COL14A1: variants seen among roughly 807,000 people sequenced by gnomAD.
COL14A1 encodes collagen alpha-1(XIV) chain.
A neutral mutation model predicts 230.3 loss-of-function variants in COL14A1; 136 were observed. The observed-to-expected ratio is 0.59, with a 90% CI of 0.51 to 0.68. COL14A1 has a LOEUF of 0.68. Among genes scored for constraint, COL14A1 ranks in the 30% least tolerant of loss-of-function variants. COL14A1 has a pLI of 0.00. For missense variants in COL14A1, 1,976 were observed against 2,215.8 expected (o/e 0.89, Z 2.17); for synonymous variants, 792 against 784.1 (o/e 1.01, Z -0.17).
At chr8:120,257,855 GT>G (rs1819207214) in intron 23 of COL14A1, among the ~76,000 whole-genome samples, 1 of 152,164 alleles carries the variant, frequency 6.6e-6, no homozygotes, top group South Asian at 2.1e-4. Context: ...ATTTTTTCCA[GT>G]TTTTTTCCCA....
At chr8:120,214,951 AG>A (rs1817706976) in intron 13 of COL14A1, among the ~76,000 whole-genome samples, 1 of 152,212 alleles carries the variant, frequency 6.6e-6, no homozygotes, top group Non-Finnish European at 1.5e-5. Context: ...AGAGAAGGCA[AG>A]TGCAGTGGCC....
At chr8:120,178,311 G>A (rs1389613674) in intron 5 of COL14A1, among the ~76,000 whole-genome samples, 1 of 152,142 alleles carries the variant, frequency 6.6e-6, no homozygotes, top group Non-Finnish European at 1.5e-5. Context: ...CCACTTATGA[G>A]TGAGAACATG....
chr8:120,322,675 G>C (rs903079516), intron 40 of COL14A1, among the ~76,000 whole-genome samples: 1 of 151,912 alleles, frequency 6.6e-6, no homozygotes, highest in African/African-American at 2.4e-5. Context: ...GCATAAGTTT[G>C]CTATGGATAA....
chr8:120,300,888 A>G lies in COL14A1; in HGVS notation c.4401+70A>G. On this transcript the variant is annotated intron_variant, in intron 36 of 47. Coordinates refer to ENST00000297848, the MANE Select transcript of COL14A1 (RefSeq NM_021110.4). ...AATAGCTATCACTTGTGTGTCTAAT[A>G]TGTGTTGTCTACTGTACTAAATGGC... The G allele has an allele frequency of 4.9e-6, 6 of 1,226,216 alleles. No individual in the cohort carries two copies. In the South Asian group the frequency reaches 7.6e-5, roughly 15 times the overall value. 76.0% of individuals were successfully genotyped at this position (1,226,216 alleles called of 1,614,324 possible).
intron 2 of COL14A1, among the ~76,000 whole-genome samples, chr8:120,149,708 A>G (rs1815213539): frequency 7.1e-6 from 1 of 140,638 alleles, no homozygotes; most frequent in East Asian, 2.1e-4. Context: ...TTTTTTTGAG[A>G]CGGAGTTTTG....
chr8:120,345,296 C>T, intron 44 of COL14A1, 79 bp from the exon 45 acceptor site: 1 of 1,327,624 alleles, frequency 7.5e-7, no homozygotes, highest in Non-Finnish European at 1.0e-6. Context: ...TGTTTGCAGC[C>T]TTAACAAATG....
At chr8:120,231,676 G>A (rs1293921135) in intron 19 of COL14A1, 58 bp downstream of exon 19, 3 of 1,550,712 alleles carry the variant, frequency 1.9e-6, no homozygotes, top group Non-Finnish European at 2.6e-6. Context: ...CAGCTAATAA[G>A]ACTGTCTTCG....
At chr8:120,280,863 A>G in intron 30 of COL14A1, 58 bp from the exon 31 acceptor site, 1 of 1,480,270 alleles carries the variant, frequency 6.8e-7, no homozygotes, top group Non-Finnish European at 9.1e-7. Context: ...AAAATTTAAA[A>G]TTCTAAAGTG....
intron 5 of COL14A1, among the ~76,000 whole-genome samples, chr8:120,178,220 T>C (rs540026088): frequency 6.6e-6 from 1 of 152,254 alleles, no homozygotes; most frequent in East Asian, 1.9e-4. Context: ...ATGCTATCCC[T>C]CCCCTAGCCT....
chr8:120,248,535 T>C (rs758480272), intron 21 of COL14A1, among the ~76,000 whole-genome samples: 16 of 152,024 alleles, frequency 1.1e-4, no homozygotes, highest in Admixed American at 2.6e-4. Flanking sequence ...GGCAGGAAAA[T>C]TTTAAAAACA....
intron 19 of COL14A1, among the ~76,000 whole-genome samples, chr8:120,235,684 C>T (rs1056144081): frequency 9.2e-5 from 14 of 152,008 alleles, no homozygotes; most frequent in Non-Finnish European, 1.2e-4. Context: ...GCTCTTGGTT[C>T]TCTAGTTCTT....
chr8:120,357,989 G>GA, intron 45 of COL14A1, among the ~76,000 whole-genome samples: 1 of 151,988 alleles, frequency 6.6e-6, no homozygotes, highest in Non-Finnish European at 1.5e-5. Flanking sequence ...AAGAACGAGA[G>GA]AAAAAAAGCC....
rs2290523 is a variant in COL14A1 at position 120,342,612 on chromosome 8, G to A, written c.4888+166G>A. ...TCACTGACCCATCAAAGAGATCACT[G>A]CAGATTACCCTAGAGCTCTACATCG... On this transcript the variant is annotated intron_variant, in intron 44 of 47. Coordinates refer to ENST00000297848, the MANE Select transcript of COL14A1 (RefSeq NM_021110.4). Among the ~76,000 whole-genome samples the A allele has an allele frequency of 0.51, 77,468 of 151,982 alleles. 20,570 individuals carry two copies. Among genetic ancestry groups the A allele is most frequent in the African/African-American group, 0.68 (28,160 of 41,450 alleles).
rs150376166 is a variant in COL14A1, at chr8:120,279,646, C to T, written c.3482-289C>T. ...AAAAGTAACTTTTAAGAATATGCAA[C>T]CATAGAGATATTACTCAAATGCAAA... On this transcript the variant is annotated intron_variant, in intron 28 of 47. Coordinates refer to ENST00000297848, the MANE Select transcript of COL14A1 (RefSeq NM_021110.4). Among the ~76,000 whole-genome samples the T allele has an allele frequency of 7.1e-3, 1,074 of 151,938 alleles. 13 individuals are homozygous for T. Among genetic ancestry groups the T allele is most frequent in the African/African-American group, 0.024 (988 of 41,446 alleles).
At position 120,230,274 on chromosome 8, in the gene COL14A1, C is replaced by T. The variant is rs182305139; in HGVS notation, c.2198-1193C>T. 4.5e-3 allele frequency among the ~76,000 whole-genome samples: 689 copies of T among 152,148 alleles called. 12 individuals carry two copies. Among genetic ancestry groups the T allele is most frequent in the Non-Finnish European group, 3.1e-3 (212 of 68,012 alleles). On this transcript the variant is annotated intron_variant, in intron 18 of 47. Coordinates refer to ENST00000297848, the MANE Select transcript of COL14A1 (RefSeq NM_021110.4). ...TTGTTTTTCCTACATTAGTTGTTTCCTCTCTCAGCTTAGCTTTCCCCTTCA... is the reference window on the plus strand; with the variant it reads ...TTGTTTTTCCTACATTAGTTGTTTCTTCTCTCAGCTTAGCTTTCCCCTTCA...
In COL14A1 at chr8:120,243,952, T is replaced by G; in HGVS notation, c.2423T>G (p.Val808Gly). ...LLPDTEYKVTVTPIYTDGEGV... is the reference protein window; with the variant it reads ...LLPDTEYKVTGTPIYTDGEGV... ...CCTGATACTGAATACAAAGTCACAG[T>G]GACTCCCATCTACACGGATGGCGAA... The change falls in exon 20 of 48, where the codon GTG becomes GGG. Residue 808 changes from valine (V) to glycine (G), a missense_variant. This residue lies in a region of COL14A1 where 1,791 missense variants were observed against 2,019.5 expected (regional missense o/e 0.89). Transcript: ENST00000297848. The G allele has an allele frequency of 6.2e-7, 1 of 1,613,548 alleles. No homozygotes were observed. Among genetic ancestry groups the G allele is most frequent in the African/African-American group, 1.3e-5 (1 of 74,920 alleles).
intron 12 of COL14A1, 123 bp downstream of exon 12, chr8:120,210,024 AC>A: frequency 1.3e-6 from 1 of 766,476 alleles, no homozygotes; most frequent in African/African-American, 1.8e-5. Context: ...AGAAAAAAAA[AC>A]ACTTATAATC....
intron 45 of COL14A1, among the ~76,000 whole-genome samples, chr8:120,353,967 A>G (rs1279033148): frequency 7.8e-5 from 11 of 140,580 alleles, no homozygotes; most frequent in Non-Finnish European, 1.5e-4. Context: ...CATTATTCAC[A>G]ATAGCAAAGA....
Position 120,283,678 on chromosome 8 carries a change from T to C in COL14A1, c.3867T>C (p.Ser1289=). ...PEGLPSDYTI[S]FLFRILPDTP... Reference sequence around the variant, plus strand: ...GATTGCCCTCCGACTACACAATCAGTTTTCTATTCCGGATTCTTCCTGACA... The same window carrying C: ...GATTGCCCTCCGACTACACAATCAGCTTTCTATTCCGGATTCTTCCTGACA... The change falls in exon 32 of 48, where the codon AGT becomes AGC. Residue 1289 remains serine, a synonymous_variant. Transcript: ENST00000297848. 6.2e-7 allele frequency: 1 copy of C among 1,613,770 alleles called. No homozygotes were observed. Among genetic ancestry groups the C allele is most frequent in the South Asian group, 1.1e-5 (1 of 91,000 alleles).
Sources: gnomAD v4.1 joint callset for allele counts (sites outside exome capture counted in the v4.1 genomes callset) on GRCh38, gnomAD v4.1.1 for gene constraint, gnomAD v4.1.1 regional missense constraint, MANE v1.5 for transcripts, NCBI Gene and HGNC (gene_info 2026-07-23, HGNC 2026-07-21) for gene names.